Variants in DCC observed in about 807,000 individuals in gnomAD.
DCC encodes the protein DCC netrin 1 receptor, also known as netrin receptor DCC.
In DCC, 58 loss-of-function variants were observed where a neutral mutation model predicts 172.5. That is an observed-to-expected ratio of 0.34 (90% CI 0.27 to 0.42). The LOEUF is 0.42. Among genes scored for constraint, DCC ranks in the 10% least tolerant of loss-of-function variants. DCC has a pLI of 1.00. For synonymous variants in DCC, 709 were observed against 644.5 expected (o/e 1.10, Z -1.52); for missense variants, 1,740 against 1,791.0 (o/e 0.97, Z 0.51).
chr18:53,521,163 G>A (rs139540749), intron 27 of DCC, among the ~76,000 whole-genome samples: 2,214 of 152,160 alleles, frequency 0.015, 68 homozygotes, highest in African/African-American at 0.051. Flanking sequence ...CACTCTGTGC[G>A]GTCTTTGAGC....
intron 16 of DCC, among the ~76,000 whole-genome samples, chr18:53,391,267 A>C (rs1908527430): frequency 6.6e-6 from 1 of 152,064 alleles, no homozygotes; most frequent in African/African-American, 2.4e-5. Context: ...ATAAACTGGA[A>C]CCCCCATTTT....
intron 23 of DCC, among the ~76,000 whole-genome samples, chr18:53,453,254 C>T (rs1445696333): frequency 6.6e-6 from 1 of 152,094 alleles, no homozygotes; most frequent in African/African-American, 2.4e-5. Context: ...CCATTGAGGA[C>T]CGCTACTCCT....
chr18:52,448,320 C>T (rs939056515), intron 1 of DCC, among the ~76,000 whole-genome samples: 16 of 152,156 alleles, frequency 1.1e-4, no homozygotes, highest in South Asian at 4.1e-4. Flanking sequence ...TCCACGAATT[C>T]GGTCCCTCAT....
intron 1 of DCC, among the ~76,000 whole-genome samples, chr18:52,413,744 G>C (rs1986920718): frequency 6.6e-6 from 1 of 152,156 alleles, no homozygotes; most frequent in African/African-American, 2.4e-5. Flanking sequence ...ATCGAAGACA[G>C]ACACACTTTT....
chr18:53,366,323 C>G (rs1226706093), intron 15 of DCC, among the ~76,000 whole-genome samples: 1 of 152,164 alleles, frequency 6.6e-6, no homozygotes, highest in African/African-American at 2.4e-5. Flanking sequence ...GGTGGGATTA[C>G]AGGTGTGAGC....
At chr18:53,107,274 C>T (rs964315213) in intron 7 of DCC, among the ~76,000 whole-genome samples, 9 of 151,738 alleles carry the variant, frequency 5.9e-5, no homozygotes, top group Non-Finnish European at 1.0e-4. Flanking sequence ...AACAGTGAGA[C>T]ATGTTGCAGA....
intron 1 of DCC, among the ~76,000 whole-genome samples, chr18:52,500,909 G>A (rs2030993155): frequency 6.6e-6 from 1 of 152,094 alleles, no homozygotes; most frequent in Non-Finnish European, 1.5e-5. Flanking sequence ...CTTAAGCAAT[G>A]TACACAAAGC....
At chr18:53,065,862 A>T (rs2042558412) in intron 6 of DCC, among the ~76,000 whole-genome samples, 184 bp from the exon 7 acceptor site, 1 of 152,174 alleles carries the variant, frequency 6.6e-6, no homozygotes, top group Non-Finnish European at 1.5e-5. Flanking sequence ...TCAGAAAAGA[A>T]AATTGGGAAG....
chr18:53,290,120 G>C (rs2056984171), intron 12 of DCC, among the ~76,000 whole-genome samples: 1 of 152,122 alleles, frequency 6.6e-6, no homozygotes, highest in South Asian at 2.1e-4. Flanking sequence ...AACATTTATG[G>C]TTTGGATGTA....
intron 1 of DCC, among the ~76,000 whole-genome samples, chr18:52,610,174 A>C (rs1393958648): frequency 6.4e-5 from 1 of 15,662 alleles, no homozygotes; most frequent in Non-Finnish European, 1.1e-4. Context: ...AAAAAAAAAA[A>C]AAAAATATAT....
intron 7 of DCC, among the ~76,000 whole-genome samples, chr18:53,151,940 T>A (rs1392630457): frequency 6.6e-6 from 1 of 152,162 alleles, no homozygotes; most frequent in Non-Finnish European, 1.5e-5. Context: ...TTTAGGTTTA[T>A]CCACTTCTTC....
chr18:52,867,800 A>T (rs2039251631), intron 2 of DCC, among the ~76,000 whole-genome samples: 1 of 152,136 alleles, frequency 6.6e-6, no homozygotes, highest in Non-Finnish European at 1.5e-5. Flanking sequence ...TTTCAAATCT[A>T]CTGCAATGTG....
At chr18:52,840,597 C>T (rs529333717) in intron 2 of DCC, among the ~76,000 whole-genome samples, 1 of 152,278 alleles carries the variant, frequency 6.6e-6, no homozygotes, top group African/African-American at 2.4e-5. Context: ...ATGAACTATG[C>T]TGATTACTTT....
At chr18:52,926,609 G>C (rs1019688606) in intron 5 of DCC, among the ~76,000 whole-genome samples, 27 of 151,646 alleles carry the variant, frequency 1.8e-4, no homozygotes, top group Non-Finnish European at 3.1e-4. Context: ...TTATAAGGCA[G>C]ATTTGGTTAT....
chr18:52,667,408 G>A (rs775378076), intron 1 of DCC, among the ~76,000 whole-genome samples: 5 of 152,072 alleles, frequency 3.3e-5, no homozygotes, highest in Non-Finnish European at 5.9e-5. Flanking sequence ...ACCATGACAC[G>A]AGTTCTATTT....
chr18:52,811,687 T>C (rs2038203859), intron 2 of DCC, among the ~76,000 whole-genome samples: 1 of 152,192 alleles, frequency 6.6e-6, no homozygotes, highest in African/African-American at 2.4e-5. Context: ...TATTATAAAT[T>C]ATAAGAAGAG....
intron 12 of DCC, among the ~76,000 whole-genome samples, chr18:53,219,673 T>C (rs1252467746): frequency 6.6e-6 from 1 of 152,128 alleles, no homozygotes. Context: ...TTGTACATGG[T>C]GCCTTCAAAG....
chr18:53,378,248 C>T lies in DCC; in HGVS notation c.2360-7795C>T, dbSNP rs570062940. ...AGTGCTGGAATTACAGGTGTGAGCCCGACCCTGATTTTCTTTTAAACCTCC... is the reference window on the plus strand; with the variant it reads ...AGTGCTGGAATTACAGGTGTGAGCCTGACCCTGATTTTCTTTTAAACCTCC... On this transcript the variant is annotated intron_variant, in intron 15 of 28. Transcript: ENST00000442544. Among the ~76,000 whole-genome samples the T allele has an allele frequency of 1.9e-3, 283 of 152,128 alleles. 1 individual carries two copies. The highest frequency in any genetic ancestry group is 6.3e-3 in the African/African-American group (263 of 41,522).
At chr18:52,771,497 T>C (rs1043525967) in intron 2 of DCC, among the ~76,000 whole-genome samples, 3 of 152,174 alleles carry the variant, frequency 2.0e-5, no homozygotes, top group Admixed American at 2.0e-4. Flanking sequence ...GAGGGACAGA[T>C]AAGCAGGAAA....
Sources: allele counts gnomAD v4.1 joint callset (sites outside exome capture counted in the v4.1 genomes callset), GRCh38; gene constraint gnomAD v4.1.1; transcripts MANE v1.5; gene names NCBI Gene and HGNC (gene_info 2026-07-23, HGNC 2026-07-21).